CTDSP1: variants seen among roughly 807,000 people sequenced by gnomAD.
The protein encoded by CTDSP1 is CTD small phosphatase 1.
A neutral mutation model predicts 32.5 loss-of-function variants in CTDSP1; 15 were observed. The observed-to-expected ratio is 0.46, with a 90% CI of 0.31 to 0.71. The LOEUF (loss-of-function observed/expected upper bound fraction) is 0.71. CTDSP1 is among the 30% of genes least tolerant of loss of function. The pLI is 0.05. For synonymous variants in CTDSP1, 185 were observed against 145.4 expected, an observed-to-expected ratio of 1.27 and a Z score of -1.96; for missense variants, 294 against 351.1, an observed-to-expected ratio of 0.84 and a Z score of 1.30.
At chr2:218,403,446 C>A in intron 6 of CTDSP1, 29 bp downstream of exon 6, 1 of 1,547,802 alleles carries the variant, frequency 6.5e-7, no homozygotes, top group Non-Finnish European at 8.7e-7. Flanking sequence ...GGGACTGGGA[C>A]AGGAGCTGAG....
Position 218,403,357 on chromosome 2 carries a change from G to A in CTDSP1, c.597G>A (p.Leu199=). 1 of 1,613,584 alleles carries A rather than the reference G, an allele frequency of 6.2e-7. No individual in the cohort carries two copies. The highest frequency in any genetic ancestry group is 8.5e-7 in the Non-Finnish European group (1 of 1,179,836). The part of the protein sequence containing the change: ...VKDLSRLGRD[L]RRVLILDNSP... The stretch of plus-strand genomic sequence containing the variant: ...ACCTGAGCCGGTTGGGTCGAGACCT[G>A]CGGCGGGTGCTCATCCTGGACAATT... Residue 199 remains leucine (L), a synonymous_variant, in exon 6 of 7, where the codon CTG becomes CTA. Coordinates refer to ENST00000273062, the MANE Select transcript of CTDSP1 (RefSeq NM_021198.3).
At chr2:218,398,624 G>A (rs978383938), upstream of CTDSP1, 2 of 486,680 alleles carry the variant, frequency 4.1e-6, no homozygotes, top group Non-Finnish European at 6.9e-6. Context: ...CCTCGGCAGG[G>A]CCTGGCGGAC....
chr2:218,402,142 C>T lies in CTDSP1; in HGVS notation c.248C>T (p.Ala83Val), dbSNP rs1449256354. Residue 83 changes from alanine (A) to valine (V), a missense_variant, in exon 3 of 7, where the codon GCC becomes GTC. Ala to Val is a moderately conservative substitution (Grantham distance 64). This residue lies in a region of CTDSP1 where 148 missense variants were observed against 113.3 expected (regional missense o/e 1.31). Coordinates refer to ENST00000273062, the MANE Select transcript of CTDSP1 (RefSeq NM_021198.3). Reference sequence around the variant, plus strand: ...CCAGTCCAATACCTGCTCCCTGAGGCCAAGGCCCAGGACTCAGACAAGATC... The same window carrying T: ...CCAGTCCAATACCTGCTCCCTGAGGTCAAGGCCCAGGACTCAGACAAGATC... ...QTPVQYLLPE[A>V]KAQDSDKICV... 6.2e-7 allele frequency: 1 copy of T among 1,613,446 alleles called. No homozygotes were observed. The highest frequency in any genetic ancestry group is 1.3e-5 in the African/African-American group (1 of 74,920).
chr2:218,403,862 C>T, intron 6 of CTDSP1: 1 of 187,148 alleles, frequency 5.3e-6, no homozygotes, highest in South Asian at 1.2e-4. Context: ...TAGTTCAAGA[C>T]CAGCCTCGGC....
chr2:218,399,660 C>T, upstream of CTDSP1: 1 of 899,284 alleles, frequency 1.1e-6, no homozygotes, highest in Non-Finnish European at 1.3e-6. Context: ...GCCTGCCACG[C>T]AGCCGCAGAG....
chr2:218,403,007 G>T (rs374746834), intron 4 of CTDSP1, 28 bp from the exon 5 acceptor site: 1 of 1,565,874 alleles, frequency 6.4e-7, no homozygotes, highest in Non-Finnish European at 8.8e-7. Flanking sequence ...CCACTGGCCC[G>T]CAGCCCCCTC....
At chr2:218,400,251 C>A (rs1697044474) in intron 1 of CTDSP1, 94 bp downstream of exon 1, 4 of 1,198,522 alleles carry the variant, frequency 3.3e-6, no homozygotes, top group Non-Finnish European at 4.6e-6. Flanking sequence ...GCCGCCGCCC[C>A]GGGCGGCCGC....
chr2:218,404,102 T>C (rs1033972144), intron 6 of CTDSP1, among the ~76,000 whole-genome samples, 195 bp from the exon 7 acceptor site: 1 of 152,026 alleles, frequency 6.6e-6, no homozygotes, highest in Non-Finnish European at 1.5e-5. Context: ...CAGATAAGGT[T>C]AGGAATTGTG....
chr2:218,400,113 C>T lies in CTDSP1; in HGVS notation c.23C>T (p.Thr8Ile). The change falls in exon 1 of 7, where the codon ACT becomes ATT. Residue 8 changes from threonine (T) to isoleucine (I), a missense_variant. By Grantham distance (89) the Thr-to-Ile change is moderately conservative (BLOSUM62 -1). Transcript: ENST00000273062. MDSSAVITQISKEEARGP... is the reference protein window; with the variant it reads MDSSAVIIQISKEEARGP... ...CCCATGGACAGCTCGGCCGTCATTA[C>T]TCAGATCAGCAAGGAGGAGGCTCGG... 1 of 1,543,672 alleles carries T rather than the reference C, an allele frequency of 6.5e-7. No homozygotes were observed. The highest frequency in any genetic ancestry group is 2.0e-5 in the Admixed American group (1 of 50,296).
intron 1 of CTDSP1, chr2:218,400,935 C>T: frequency 2.3e-6 from 1 of 438,292 alleles, no homozygotes. Flanking sequence ...TGCCCCGGAA[C>T]TGAGGGCAAG....
At chr2:218,403,633 A>T (rs1697270685) in intron 6 of CTDSP1, 1 of 478,010 alleles carries the variant, frequency 2.1e-6, no homozygotes, top group African/African-American at 2.0e-5. Context: ...AGCATCTGCC[A>T]TGCACAGGGG....
chr2:218,398,633 A>C, upstream of CTDSP1: 1 of 444,678 alleles, frequency 2.2e-6, no homozygotes, highest in Non-Finnish European at 3.8e-6. Flanking sequence ...GGCCTGGCGG[A>C]CGTGCGCCGC....
chr2:218,402,318 T>C (rs1697186265), intron 3 of CTDSP1, 31 bp from the exon 4 acceptor site: 1 of 1,613,834 alleles, frequency 6.2e-7, no homozygotes, highest in Non-Finnish European at 8.5e-7. Flanking sequence ...GGGCTCCTCC[T>C]CCAACTCCAG....
At chr2:218,399,719 G>A (rs1422851756), upstream of CTDSP1, 3 of 997,392 alleles carry the variant, frequency 3.0e-6, no homozygotes, top group Non-Finnish European at 3.6e-6. Context: ...GCCCCCTGGA[G>A]CGCGGCAGGA....
At chr2:218,398,462 T>G, upstream of CTDSP1, 3 of 1,531,100 alleles carry the variant, frequency 2.0e-6, no homozygotes, top group Non-Finnish European at 2.6e-6. Flanking sequence ...GGCCGAGGGA[T>G]CCAGCCCGGG....
At chr2:218,399,756 G>A (rs933298246), upstream of CTDSP1, 2 of 1,032,122 alleles carry the variant, frequency 1.9e-6, no homozygotes, top group African/African-American at 1.7e-5. Context: ...CTCCCAGTCC[G>A]CCTAGCCGCG....
rs1172281161 is a variant in CTDSP1 at position 218,399,998 on chromosome 2, C to T, written c.-93C>T. 6.6e-6 allele frequency: 8 copies of T among 1,205,238 alleles called. No homozygotes were observed. The highest frequency in any genetic ancestry group is 7.4e-6 in the Non-Finnish European group (7 of 943,256). The allele number at this position is 1,205,238 out of a possible 1,614,324, so 74.7% of individuals were successfully genotyped here. On this transcript the variant is annotated 5_prime_UTR_variant, in exon 1 of 7. Coordinates refer to ENST00000273062, the MANE Select transcript of CTDSP1 (RefSeq NM_021198.3). ...GCGGGGATCCCTCCCTCCCACCCCTCCCCTCCCCCCCGCGCCCCGATTCCG... is the reference window on the plus strand; with the variant it reads ...GCGGGGATCCCTCCCTCCCACCCCTTCCCTCCCCCCCGCGCCCCGATTCCG...
chr2:218,396,976 A>T (rs1276240253), upstream of CTDSP1: 3 of 152,486 alleles, frequency 2.0e-5, no homozygotes, highest in African/African-American at 7.2e-5. Context: ...CCGTGACGCC[A>T]GCCAGGGAAG....
chr2:218,401,511 G>T, intron 1 of CTDSP1, 53 bp from the exon 2 acceptor site: 3 of 1,600,908 alleles, frequency 1.9e-6, no homozygotes, highest in Non-Finnish European at 2.6e-6. Context: ...ACACATGCAG[G>T]ATTCTGCAGG....
Sources: gnomAD v4.1 joint callset for allele counts (sites outside exome capture counted in the v4.1 genomes callset) on GRCh38, gnomAD v4.1.1 for gene constraint, gnomAD v4.1.1 regional missense constraint, MANE v1.5 for transcripts, NCBI Gene and HGNC (gene_info 2026-07-23, HGNC 2026-07-21) for gene names.